CD274: variants seen among roughly 807,000 people sequenced by gnomAD.
CD274 encodes CD274 molecule.
CD274 carries 8 observed loss-of-function variants against 30.1 expected under a neutral mutation model. The observed-to-expected ratio is 0.27, with a 90% CI of 0.16 to 0.48. CD274 has a LOEUF of 0.48. CD274 is among the 20% of genes least tolerant of loss of function. The probability of loss-of-function intolerance (pLI) is 0.99; values close to 1 mark genes in which losing one functional copy is unlikely to be tolerated. For synonymous variants in CD274, 152 were observed against 124.6 expected (o/e 1.22, Z -1.46); for missense variants, 353 against 346.6 (o/e 1.02, Z -0.15).
rs368909847 is a variant in CD274 at position 5,450,899 on chromosome 9, A to G, written c.-15+303A>G. On this transcript the variant is annotated intron_variant, in intron 1 of 6. Transcript: ENST00000381577. ...GTCATTCTTATGCGACTGTGTGTTC[A>G]GAATATAGCTCTGATGCTAGGCTGG... is the stretch of plus-strand genomic sequence containing the variant. Among the ~76,000 whole-genome samples, 53 of 152,362 alleles carry G rather than the reference A, an allele frequency of 3.5e-4. No individual in the cohort carries two copies. The East Asian group carries it at 4.2e-3, about 12-fold the overall frequency.
Position 5,462,954 on chromosome 9 carries a change from A to G in CD274, c.515A>G (p.His172Arg), listed in dbSNP as rs2131223587. The G allele has an allele frequency of 6.2e-7, 1 of 1,614,132 alleles. No individual in the cohort carries two copies. Among genetic ancestry groups the G allele is most frequent in the Non-Finnish European group, 8.5e-7 (1 of 1,179,968 alleles). Residue 172 changes from histidine (H) to arginine (R), a missense_variant, in exon 4 of 7, where the codon CAT becomes CGT. By Grantham distance (29) the His-to-Arg change is conservative. Transcript: ENST00000381577. Reference protein sequence around the residue: ...KAEVIWTSSDHQVLSGKTTTT... With the variant: ...KAEVIWTSSDRQVLSGKTTTT... Reference sequence around the variant, plus strand: ...GAAGTCATCTGGACAAGCAGTGACCATCAAGTCCTGAGTGGTAAGACCACC... The same window carrying G: ...GAAGTCATCTGGACAAGCAGTGACCGTCAAGTCCTGAGTGGTAAGACCACC...
chr9:5,464,058 A>T (rs1385201587), intron 4 of CD274, among the ~76,000 whole-genome samples: 2 of 152,232 alleles, frequency 1.3e-5, no homozygotes, highest in African/African-American at 4.8e-5. Flanking sequence ...CAACTGAAAA[A>T]TTAGATAGAA....
rs1174685312 is a variant in CD274, at chr9:5,470,325, C to G, written c.*2463C>G. 4.3e-6 allele frequency: 1 copy of G among 232,456 alleles called. No homozygotes were observed. Among genetic ancestry groups the G allele is most frequent in the African/African-American group, 2.2e-5 (1 of 45,304 alleles). The allele number at this position is 232,456 out of a possible 1,614,324, so 14.4% of individuals were successfully genotyped here. A position where few individuals can be genotyped will look rare whatever the true frequency, so the allele number is the denominator to read the frequency against. On this transcript the variant is annotated 3_prime_UTR_variant, in exon 7 of 7. Transcript: ENST00000381577. ...TAGTCTACTCAGTCTATTCCTAAGT[C>G]CTAACTCCTCCTTGTGGTGTTGGAT...
intron 1 of CD274, among the ~76,000 whole-genome samples, chr9:5,455,052 G>C (rs1225987955): frequency 1.3e-5 from 2 of 152,074 alleles, no homozygotes; most frequent in African/African-American, 2.4e-5. Context: ...TTAATCTCCT[G>C]TCTTATATAT....
intron 1 of CD274, among the ~76,000 whole-genome samples, chr9:5,452,333 A>G (rs762883073): frequency 3.9e-4 from 59 of 152,066 alleles, no homozygotes; most frequent in Non-Finnish European, 5.4e-4. Flanking sequence ...CTTTTTCTCT[A>G]TCTCATCCTC....
At chr9:5,457,575 A>C (rs1352239111) in intron 3 of CD274, among the ~76,000 whole-genome samples, 155 bp downstream of exon 3, 1 of 152,374 alleles carries the variant, frequency 6.6e-6, no homozygotes, top group South Asian at 2.1e-4. Context: ...TCACATAATT[A>C]TCCAATTTCT....
chr9:5,457,580 A>G (rs983454899), intron 3 of CD274, among the ~76,000 whole-genome samples, 160 bp downstream of exon 3: 4 of 152,186 alleles, frequency 2.6e-5, no homozygotes, highest in African/African-American at 9.7e-5. Context: ...TAATTATCCA[A>G]TTTCTTGAGC....
chr9:5,461,474 TATAGGAGTATCA>T (rs1819403370), intron 3 of CD274, among the ~76,000 whole-genome samples: 1 of 152,186 alleles, frequency 6.6e-6, no homozygotes, highest in Non-Finnish European at 1.5e-5. Flanking sequence ...GTTTCATTGA[TATAGGAGTATCA>T]AAACATCACT....
chr9:5,464,275 A>G (rs1162198393), intron 4 of CD274, among the ~76,000 whole-genome samples: 2 of 152,078 alleles, frequency 1.3e-5, no homozygotes, highest in East Asian at 3.9e-4. Context: ...ACAGTAACTC[A>G]CCTAACTGCA....
Position 5,467,876 on chromosome 9 carries a change from CT to C in CD274, c.*16del. 2 of 1,604,156 alleles carry C rather than the reference CT, an allele frequency of 1.2e-6. No homozygotes were observed. Among genetic ancestry groups the C allele is most frequent in the Non-Finnish European group, 1.7e-6 (2 of 1,171,022 alleles). ...GAGGAGACGTAATCCAGCATTGGAA[CT>C]TCTGATCTTCAAGCAGGGATTCTCA... On this transcript the variant is annotated 3_prime_UTR_variant, in exon 7 of 7. Transcript: ENST00000381577.
rs1819549800 is a variant in CD274 at position 5,469,410 on chromosome 9, A to G, written c.*1548A>G. On this transcript the variant is annotated 3_prime_UTR_variant, in exon 7 of 7. Transcript: ENST00000381577. ...AAGCCATTCAAGTTTCCTTTCCAGA[A>G]GCAACTGCTACTGCCTTTCATTCAT... The G allele has an allele frequency of 4.3e-6, 1 of 232,274 alleles. No homozygotes were observed. Among genetic ancestry groups the G allele is most frequent in the Non-Finnish European group, 8.5e-6 (1 of 117,526 alleles). The allele number at this position is 232,274 out of a possible 1,614,324, so 14.4% of individuals were successfully genotyped here.
chr9:5,462,038 C>T (rs1020741292), intron 3 of CD274, among the ~76,000 whole-genome samples: 13 of 152,026 alleles, frequency 8.6e-5, no homozygotes, highest in South Asian at 2.1e-4. Flanking sequence ...ATGTAAGATA[C>T]TAACAATAGA....
intron 1 of CD274, among the ~76,000 whole-genome samples, chr9:5,452,026 C>CG (rs1554637717): frequency 7.9e-6 from 1 of 126,454 alleles, no homozygotes; most frequent in Non-Finnish European, 1.6e-5. Context: ...TTTTTTTTGT[C>CG]TTTTTTTTTT....
chr9:5,466,660 A>C lies in CD274; in HGVS notation c.791-110A>C, dbSNP rs1050015877. 4 of 767,362 alleles carry C rather than the reference A, an allele frequency of 5.2e-6. No individual in the cohort carries two copies. In the African/African-American group the frequency reaches 5.2e-5, roughly 10 times the overall value. The allele number at this position is 767,362 out of a possible 1,614,324, so 47.5% of individuals were successfully genotyped here. ...CCTGTGGAATAAGGATGTCCACCAG[A>C]CTTCCTAGGGATTACAAATGTTTCA... is the stretch of plus-strand genomic sequence containing the variant. On this transcript the variant is annotated intron_variant, in intron 5 of 6. Coordinates refer to ENST00000381577, the MANE Select transcript of CD274 (RefSeq NM_014143.4).
rs1819524548 is a variant in CD274, at chr9:5,467,934, C to A, written c.*72C>A. Reference sequence around the variant, plus strand: ...GGTTTAGGGGTTCATCGGGGCTGAGCGTGACAAGAGGAAGGAATGGGCCCG... The same window carrying A: ...GGTTTAGGGGTTCATCGGGGCTGAGAGTGACAAGAGGAAGGAATGGGCCCG... On this transcript the variant is annotated 3_prime_UTR_variant, in exon 7 of 7. Transcript: ENST00000381577. 2 of 1,351,482 alleles carry A rather than the reference C, an allele frequency of 1.5e-6. No homozygotes were observed. Among genetic ancestry groups the A allele is most frequent in the South Asian group, 1.2e-5 (1 of 85,530 alleles). The allele number at this position is 1,351,482 out of a possible 1,614,324, so 83.7% of individuals were successfully genotyped here.
At chr9:5,467,737 T>C in intron 6 of CD274, 103 bp from the exon 7 acceptor site, 1 of 935,846 alleles carries the variant, frequency 1.1e-6, no homozygotes, top group Middle Eastern at 2.1e-4. Context: ...AAATTTATCA[T>C]TTATCATATC....
intron 6 of CD274, 88 bp downstream of exon 6, chr9:5,466,917 C>G: frequency 1.1e-6 from 1 of 940,098 alleles, no homozygotes; most frequent in East Asian, 2.5e-5. Flanking sequence ...CAGTCATAAT[C>G]TCCTCTCCTT....
At chr9:5,456,675 A>G (rs73399108) in intron 2 of CD274, among the ~76,000 whole-genome samples, 2,831 of 152,342 alleles carry the variant, frequency 0.019, 81 homozygotes, top group African/African-American at 0.063. Flanking sequence ...AGTTTAGGGA[A>G]GTAAAAAGAG....
intron 2 of CD274, among the ~76,000 whole-genome samples, chr9:5,456,719 G>T (rs907191957): frequency 3.9e-5 from 6 of 152,198 alleles, no homozygotes; most frequent in African/African-American, 1.4e-4. Flanking sequence ...CCTCTATGTA[G>T]GAAGCAAATA....
Sources: allele counts gnomAD v4.1 joint callset (sites outside exome capture counted in the v4.1 genomes callset), GRCh38; gene constraint gnomAD v4.1.1; transcripts MANE v1.5; gene names NCBI Gene and HGNC (gene_info 2026-07-23, HGNC 2026-07-21).